Variants in CORO2A observed in about 807,000 individuals in gnomAD.
CORO2A encodes coronin-2A.
CORO2A carries 47 observed loss-of-function variants against 62.4 expected under a neutral mutation model. That is an observed-to-expected ratio of 0.75 (90% CI 0.60 to 0.96). The LOEUF (loss-of-function observed/expected upper bound fraction) is 0.96. Ranked by LOEUF, CORO2A falls within the 40% of genes least tolerant of loss-of-function variation. The pLI is 0.00. For synonymous variants in CORO2A, 273 were observed against 268.9 expected (o/e 1.02, Z -0.15); for missense variants, 610 against 684.1 (o/e 0.89, Z 1.21).
At chr9:98,181,343 T>C (rs865831406) in intron 1 of CORO2A, among the ~76,000 whole-genome samples, 1 of 150,050 alleles carries the variant, frequency 6.7e-6, no homozygotes, top group Admixed American at 6.6e-5. Context: ...GCTTTTTTTT[T>C]TTTTTTTTTT....
chr9:98,122,680 T>C lies in CORO2A; in HGVS notation c.*2094A>G, dbSNP rs1827259097. On this transcript the variant is annotated 3_prime_UTR_variant, in exon 12 of 12. Coordinates refer to ENST00000375077, the MANE Select transcript of CORO2A (RefSeq NM_052820.4). ...CGTATAGTCATTTCAGAAGACCTCCTGGTTAGGTGGCCAGAGGCTCTGCTG... is the reference window on the plus strand; with the variant it reads ...CGTATAGTCATTTCAGAAGACCTCCCGGTTAGGTGGCCAGAGGCTCTGCTG... 1 of 152,202 alleles carries C rather than the reference T, an allele frequency of 6.6e-6. No individual in the cohort carries two copies. Among genetic ancestry groups the C allele is most frequent in the South Asian group, 2.1e-4 (1 of 4,832 alleles). The allele number at this position is 152,202 out of a possible 1,614,324, so 9.4% of individuals were successfully genotyped here. A position where few individuals can be genotyped will look rare whatever the true frequency, so the allele number is the denominator to read the frequency against.
intron 2 of CORO2A, among the ~76,000 whole-genome samples, chr9:98,138,706 T>C (rs1034616437): frequency 1.3e-5 from 2 of 152,192 alleles, no homozygotes; most frequent in Admixed American, 1.3e-4. Flanking sequence ...AGCACATTAA[T>C]GCATCCCCCT....
chr9:98,126,983 C>A (rs1827331044), intron 10 of CORO2A, 160 bp from the exon 11 acceptor site: 4 of 748,314 alleles, frequency 5.3e-6, no homozygotes, highest in Non-Finnish European at 8.7e-6. Context: ...CCCAAACCCA[C>A]AGAGCAGGGC....
intron 2 of CORO2A, 98 bp from the exon 3 acceptor site, chr9:98,137,786 A>AT (rs1418906061): frequency 1.1e-6 from 1 of 890,756 alleles, no homozygotes; most frequent in Non-Finnish European, 1.9e-6. Context: ...ACAGGAAAAC[A>AT]TAAGGGACAG....
intron 3 of CORO2A, among the ~76,000 whole-genome samples, chr9:98,137,106 C>T (rs895556791): frequency 2.6e-5 from 4 of 152,100 alleles, no homozygotes; most frequent in Non-Finnish European, 4.4e-5. Context: ...GTACAGAACA[C>T]GGGCTCAAAA....
At position 98,128,738 on chromosome 9, in the gene CORO2A, G is replaced by T; in HGVS notation, c.968-19C>A. On this transcript the variant is annotated intron_variant, in intron 8 of 11. Coordinates refer to ENST00000375077, the MANE Select transcript of CORO2A (RefSeq NM_052820.4). ...ATGACACCTGAAGGCAGACAGGGAG[G>T]GCCAAGAGGTTCTGGCTAGGCTGGG... The T allele has an allele frequency of 6.2e-7, 1 of 1,607,702 alleles. No homozygotes were observed. Among genetic ancestry groups the T allele is most frequent in the Non-Finnish European group, 8.5e-7 (1 of 1,174,210 alleles).
chr9:98,160,696 C>T (rs1827872928), intron 1 of CORO2A, among the ~76,000 whole-genome samples: 1 of 152,168 alleles, frequency 6.6e-6, no homozygotes, highest in Admixed American at 6.5e-5. Context: ...CCCCACTCCT[C>T]CCTCACCTTG....
At chr9:98,188,504 TC>T (rs1480261494) in intron 1 of CORO2A, among the ~76,000 whole-genome samples, 5 of 152,034 alleles carry the variant, frequency 3.3e-5, no homozygotes, top group African/African-American at 1.2e-4. Flanking sequence ...TTGGCTCACA[TC>T]TGTAATCCCA....
chr9:98,128,556 C>T (rs1489827712), intron 9 of CORO2A, 51 bp downstream of exon 9: 8 of 1,531,408 alleles, frequency 5.2e-6, no homozygotes, highest in Non-Finnish European at 7.2e-6. Flanking sequence ...GGTCTGTCTT[C>T]TCCAGGACAG....
At chr9:98,180,993 C>T (rs1460648090) in intron 1 of CORO2A, among the ~76,000 whole-genome samples, 5 of 152,346 alleles carry the variant, frequency 3.3e-5, no homozygotes, top group East Asian at 1.9e-4. Context: ...GACATCAGCT[C>T]ACTCTTATCA....
intron 1 of CORO2A, among the ~76,000 whole-genome samples, chr9:98,158,999 G>A (rs1199638793): frequency 2.0e-5 from 3 of 151,906 alleles, no homozygotes; most frequent in African/African-American, 4.8e-5. Context: ...CCTCCTCTTG[G>A]CCAGACGGAC....
At chr9:98,132,764 C>A (rs528630141) in intron 5 of CORO2A, among the ~76,000 whole-genome samples, 1 of 152,144 alleles carries the variant, frequency 6.6e-6, no homozygotes, top group Non-Finnish European at 1.5e-5. Context: ...AGCTGAGGCA[C>A]GCCAACAAGC....
At chr9:98,175,854 A>G (rs1828103372) in intron 1 of CORO2A, among the ~76,000 whole-genome samples, 1 of 152,224 alleles carries the variant, frequency 6.6e-6, no homozygotes. Flanking sequence ...TCTGTCAAGC[A>G]CTTAGAACCC....
intron 1 of CORO2A, among the ~76,000 whole-genome samples, chr9:98,187,282 CAAAAAAAAAAA>C (rs60290184): frequency 3.0e-5 from 2 of 66,540 alleles, no homozygotes; most frequent in Admixed American, 2.1e-4. Context: ...GACTCCATCT[CAAAAAAAAAAA>C]AAAAAAAAAA....
chr9:98,185,230 A>G (rs540254423), intron 1 of CORO2A, among the ~76,000 whole-genome samples: 1 of 152,202 alleles, frequency 6.6e-6, no homozygotes, highest in Non-Finnish European at 1.5e-5. Flanking sequence ...GGGCTTCCCT[A>G]TGATAACTGT....
intron 1 of CORO2A, among the ~76,000 whole-genome samples, chr9:98,164,688 C>T (rs926427400): frequency 2.0e-5 from 3 of 152,304 alleles, no homozygotes; most frequent in Non-Finnish European, 1.5e-5. Context: ...TGCCTTGCAC[C>T]GGCCAGCAAC....
At chr9:98,174,536 C>A (rs146071363) in intron 1 of CORO2A, among the ~76,000 whole-genome samples, 173 of 152,280 alleles carry the variant, frequency 1.1e-3, no homozygotes, top group African/African-American at 4.1e-3. Flanking sequence ...TGTGTCCCCA[C>A]CCAAATCTCA....
chr9:98,133,931 T>C (rs1827447542), intron 4 of CORO2A, among the ~76,000 whole-genome samples: 1 of 151,888 alleles, frequency 6.6e-6, no homozygotes, highest in South Asian at 2.1e-4. Context: ...ATTTTTTCTA[T>C]TTTTTTGTAG....
In CORO2A at chr9:98,182,406, T is replaced by C. The variant is rs555067055; in HGVS notation, c.-1+10153A>G. Among the ~76,000 whole-genome samples the C allele has an allele frequency of 3.3e-5, 5 of 152,282 alleles. No individual in the cohort carries two copies. In the East Asian group the frequency reaches 7.7e-4, roughly 24 times the overall value. The stretch of plus-strand genomic sequence containing the variant: ...TCAACAAGGATGAGGCTAGTGACCC[T>C]GCCAGCAAGCTCTCAAAGCTCCTTC... On this transcript the variant is annotated intron_variant, in intron 1 of 11. Coordinates refer to ENST00000375077, the MANE Select transcript of CORO2A (RefSeq NM_052820.4).
Sources: gnomAD v4.1 joint callset for allele counts (sites outside exome capture counted in the v4.1 genomes callset) on GRCh38, gnomAD v4.1.1 for gene constraint, MANE v1.5 for transcripts, NCBI Gene and HGNC (gene_info 2026-07-23, HGNC 2026-07-21) for gene names.